Variants in KDM3A observed in about 807,000 individuals in gnomAD.
KDM3A encodes lysine-specific demethylase 3A.
Under a neutral mutation model 158.0 loss-of-function variants are expected in KDM3A, and 60 were observed. The observed-to-expected ratio is 0.38, with a 90% CI of 0.31 to 0.47. The LOEUF (loss-of-function observed/expected upper bound fraction) is 0.47, where lower values mean the gene tolerates loss of function less well. KDM3A is among the 20% of genes least tolerant of loss of function. The pLI is 0.99. For synonymous variants in KDM3A, 608 were observed against 549.3 expected (o/e 1.11, Z -1.49); for missense variants, 1,319 against 1,574.3 (o/e 0.84, Z 2.74).
chr2:86,476,091 C>G (rs1275022574), intron 12 of KDM3A, among the ~76,000 whole-genome samples: 1 of 152,096 alleles, frequency 6.6e-6, no homozygotes, highest in Non-Finnish European at 1.5e-5. Context: ...ATACTTTTCC[C>G]CCTGTAGTCT....
At position 86,470,132 on chromosome 2, in the gene KDM3A, A is replaced by G. The variant is rs551417824; in HGVS notation, c.1520-72A>G. On this transcript the variant is annotated intron_variant, in intron 10 of 25. Coordinates refer to ENST00000312912, the MANE Select transcript of KDM3A (RefSeq NM_018433.6). ...TTAAGGGAATATTGGGTTTTTGAAT[A>G]GAATTCAGTCATATATGAATGTGAT... is the stretch of plus-strand genomic sequence containing the variant. 7.5e-5 allele frequency: 93 copies of G among 1,232,236 alleles called. No individual in the cohort carries two copies. In the East Asian group the frequency reaches 2.1e-3, roughly 28 times the overall value. 76.3% of individuals were successfully genotyped at this position (1,232,236 alleles called of 1,614,324 possible). A position where few individuals can be genotyped will look rare whatever the true frequency, so the allele number is the denominator to read the frequency against.
At chr2:86,485,696 T>G (rs1156578160) in intron 20 of KDM3A, 33 bp from the exon 21 acceptor site, 2 of 1,607,486 alleles carry the variant, frequency 1.2e-6, no homozygotes, top group East Asian at 4.5e-5. Flanking sequence ...AAAAGCAATC[T>G]AACTTTGCAA....
At chr2:86,471,889 G>C (rs1245485871) in intron 11 of KDM3A, among the ~76,000 whole-genome samples, 1 of 152,018 alleles carries the variant, frequency 6.6e-6, no homozygotes, top group African/African-American at 2.4e-5. Flanking sequence ...GTTAGTAGAG[G>C]GTAACTCTGT....
At chr2:86,490,664 A>C in intron 23 of KDM3A, 1 of 474,856 alleles carries the variant, frequency 2.1e-6, no homozygotes, top group East Asian at 3.4e-5. Context: ...CCTGTCAGTC[A>C]TGGTTTATGG....
rs1673758929 is a variant in KDM3A at position 86,478,279 on chromosome 2, T to C, written c.2188+14T>C. 1 of 1,573,830 alleles carries C rather than the reference T, an allele frequency of 6.4e-7. No individual in the cohort carries two copies. The highest frequency in any genetic ancestry group is 8.7e-7 in the Non-Finnish European group (1 of 1,144,278). Reference sequence around the variant, plus strand: ...TTCCTGGAAAAGGTATTTCATGTGCTGCAGTGATTTTCTTTCCCCTTGTCT... The same window carrying C: ...TTCCTGGAAAAGGTATTTCATGTGCCGCAGTGATTTTCTTTCCCCTTGTCT... On this transcript the variant is annotated intron_variant, in intron 14 of 25. Coordinates refer to ENST00000312912, the MANE Select transcript of KDM3A (RefSeq NM_018433.6).
rs759308577 is a variant in KDM3A at position 86,466,587 on chromosome 2, A to C, written c.1223A>C (p.Gln408Pro). The change falls in exon 10 of 26, where the codon CAA (glutamine) becomes CCA (proline). Residue 408 changes from glutamine to proline, a missense_variant. Around this residue, in one of 4 missense-constraint regions of KDM3A, gnomAD observed 652 missense variants for 627.2 expected, o/e 1.04. Transcript: ENST00000312912. ...DQENRLESVPQALTGLPKECL... is the reference protein window; with the variant it reads ...DQENRLESVPPALTGLPKECL... Reference sequence around the variant, plus strand: ...GAAAACAGATTGGAGTCTGTTCCACAAGCATTGACTGGCCTTCCTAAGGAG... The same window carrying C: ...GAAAACAGATTGGAGTCTGTTCCACCAGCATTGACTGGCCTTCCTAAGGAG... 1.9e-6 allele frequency: 3 copies of C among 1,613,960 alleles called. No individual in the cohort carries two copies. Among genetic ancestry groups the C allele is most frequent in the Non-Finnish European group, 2.5e-6 (3 of 1,179,894 alleles).
chr2:86,484,706 T>C, intron 19 of KDM3A: 1 of 444,632 alleles, frequency 2.2e-6, no homozygotes, highest in Non-Finnish European at 4.0e-6. Context: ...TGCTGCACCT[T>C]GCTGCCTCCT....
intron 18 of KDM3A, chr2:86,483,258 C>G (rs1674027034): frequency 6.5e-6 from 1 of 152,734 alleles, no homozygotes; most frequent in Non-Finnish European, 1.5e-5. Context: ...TCTGGCTTCT[C>G]TGTTTGGCCA....
chr2:86,488,996 T>TAAA (rs2104714929), intron 21 of KDM3A: 1 of 258,642 alleles, frequency 3.9e-6, no homozygotes, highest in South Asian at 4.9e-5. Flanking sequence ...TTGGGCTTTG[T>TAAA]CTCTTGCCCC....
chr2:86,447,302 T>C (rs1028341504), intron 2 of KDM3A, among the ~76,000 whole-genome samples: 2 of 151,942 alleles, frequency 1.3e-5, no homozygotes, highest in African/African-American at 4.8e-5. Context: ...TTTTTTTTTT[T>C]TTCAAATCAC....
chr2:86,437,175 T>TAA (rs1202706383), upstream of KDM3A, among the ~76,000 whole-genome samples: 3 of 152,026 alleles, frequency 2.0e-5, no homozygotes, highest in African/African-American at 7.2e-5. Flanking sequence ...GAGTCTTGCT[T>TAA]CGTCATCCAG....
At chr2:86,457,726 G>C (rs1173031649) in intron 8 of KDM3A, among the ~76,000 whole-genome samples, 1 of 152,130 alleles carries the variant, frequency 6.6e-6, no homozygotes, top group Non-Finnish European at 1.5e-5. Flanking sequence ...GTTGAAATAG[G>C]ACCTTCACCT....
At position 86,449,781 on chromosome 2, in the gene KDM3A, C is replaced by T. The variant is rs769315242; in HGVS notation, c.187-26C>T. ...ATTTTAATAAATTGAATCTGCTTCC[C>T]CCACCCCCCAATTTTGTCTGTCTAG... On this transcript the variant is annotated intron_variant, in intron 2 of 25. Coordinates refer to ENST00000312912, the MANE Select transcript of KDM3A (RefSeq NM_018433.6). 2.7e-5 allele frequency: 43 copies of T among 1,572,606 alleles called. 1 individual carries two copies. Among genetic ancestry groups the T allele is most frequent in the South Asian group, 2.5e-4 (21 of 84,658 alleles).
At chr2:86,447,401 ATGT>A (rs1052760891) in intron 2 of KDM3A, among the ~76,000 whole-genome samples, 3 of 146,566 alleles carry the variant, frequency 2.0e-5, no homozygotes, top group Non-Finnish European at 3.0e-5. Context: ...AAGAACTGTG[ATGT>A]TGCTTAAGTT....
chr2:86,484,326 C>G (rs888239016), intron 19 of KDM3A, among the ~76,000 whole-genome samples, 168 bp downstream of exon 19: 30 of 152,188 alleles, frequency 2.0e-4, no homozygotes, highest in African/African-American at 6.8e-4. Context: ...TGCTTTTAAA[C>G]ACTGAGGCAT....
At chr2:86,474,719 G>GTGTA in intron 11 of KDM3A, 57 bp from the exon 12 acceptor site, 1 of 757,062 alleles carries the variant, frequency 1.3e-6, no homozygotes, top group Admixed American at 1.8e-5. Flanking sequence ...GTGTGTGTGT[G>GTGTA]TGTGTGTGTG....
intron 21 of KDM3A, chr2:86,488,045 G>A (rs920395751): frequency 2.4e-5 from 3 of 126,072 alleles, no homozygotes; most frequent in East Asian, 1.9e-4. Flanking sequence ...TGTGTTTATC[G>A]TTTGCTTATA....
At chr2:86,485,619 T>C (rs901407720) in intron 20 of KDM3A, 110 bp from the exon 21 acceptor site, 4 of 1,296,292 alleles carry the variant, frequency 3.1e-6, no homozygotes, top group Non-Finnish European at 4.3e-6. Flanking sequence ...TCAGTCTGCA[T>C]GATCACAGAT....
chr2:86,484,903 A>G (rs2104705866), intron 19 of KDM3A, 39 bp from the exon 20 acceptor site: 1 of 1,296,174 alleles, frequency 7.7e-7, no homozygotes, highest in Admixed American at 1.8e-5. Context: ...TCTGTTTCTG[A>G]ATTATAAATA....
Sources: allele counts gnomAD v4.1 joint callset (sites outside exome capture counted in the v4.1 genomes callset), GRCh38; gene constraint gnomAD v4.1.1; regional missense constraint gnomAD v4.1.1; transcripts MANE v1.5; gene names NCBI Gene and HGNC (gene_info 2026-07-23, HGNC 2026-07-21).